The following ANK3 variants were observed in gnomAD, a reference collection of about 807,000 sequenced individuals.
ANK3 encodes ankyrin-3.
Under a neutral mutation model 370.9 loss-of-function variants are expected in ANK3, and 57 were observed. That is an observed-to-expected ratio of 0.15 (90% confidence interval 0.12 to 0.19). The LOEUF (loss-of-function observed/expected upper bound fraction) is 0.19, where lower values mean the gene tolerates loss of function less well. Among genes scored for constraint, ANK3 ranks in the 10% least tolerant of loss-of-function variants. ANK3 has a pLI of 1.00. For missense variants in ANK3, 4,439 were observed against 5,302.1 expected (o/e 0.84, Z 5.06); for synonymous variants, 1,929 against 1,946.3 (o/e 0.99, Z 0.23).
chr10:60,684,892 C>T, intron 1 of ANK3: 2 of 1,489,696 alleles, frequency 1.3e-6, no homozygotes, highest in Non-Finnish European at 9.3e-7. Flanking sequence ...AGTCCCTGTA[C>T]TTACAGTTGC....
At chr10:60,474,944 T>A (rs1038427259) in intron 2 of ANK3, among the ~76,000 whole-genome samples, 1 of 152,146 alleles carries the variant, frequency 6.6e-6, no homozygotes. Flanking sequence ...ATTTTTATAT[T>A]TTAAAATATC....
intron 2 of ANK3, among the ~76,000 whole-genome samples, chr10:60,395,125 C>T (rs532340315): frequency 2.3e-4 from 35 of 152,202 alleles, no homozygotes; most frequent in African/African-American, 8.2e-4. Context: ...TTTGGATATG[C>T]AAATCTACTT....
intron 43 of ANK3, among the ~76,000 whole-genome samples, chr10:60,038,159 G>A (rs1168198222): frequency 6.6e-6 from 1 of 152,176 alleles, no homozygotes; most frequent in Non-Finnish European, 1.5e-5. Flanking sequence ...CACTTTGGGA[G>A]GCCAAGGTGA....
At chr10:60,193,843 G>A (rs2096539164) in intron 16 of ANK3, among the ~76,000 whole-genome samples, 1 of 152,004 alleles carries the variant, frequency 6.6e-6, no homozygotes, top group East Asian at 1.9e-4. Flanking sequence ...AGTAGGGGCT[G>A]GGCAAGGTAG....
rs527329201 is a variant in ANK3, at chr10:60,480,085, A to G, written c.96+135101T>C. Among the ~76,000 whole-genome samples, 15 of 152,288 alleles carry G rather than the reference A, an allele frequency of 9.8e-5. No individual in the cohort carries two copies. In the East Asian group the frequency reaches 2.3e-3, roughly 24 times the overall value. ...GGCCACTTATGACCCCTGACACAGC[A>G]GTGTTGATTAGATGAGTAGTGGTAG... On this transcript the variant is annotated intron_variant, in intron 2 of 43. Transcript: ENST00000373827.
At chr10:60,415,915 T>TCC (rs2063652402) in intron 2 of ANK3, among the ~76,000 whole-genome samples, 2 of 94,730 alleles carry the variant, frequency 2.1e-5, no homozygotes, top group Non-Finnish European at 4.5e-5. Flanking sequence ...TCTGAATTTG[T>TCC]GCCCCCCACC....
intron 1 of ANK3, among the ~76,000 whole-genome samples, chr10:60,681,292 C>T (rs1278368185): frequency 1.3e-5 from 2 of 152,142 alleles, no homozygotes; most frequent in Admixed American, 1.3e-4. Flanking sequence ...TCAGTGGTTT[C>T]CCACTGCCCT....
intron 1 of ANK3, among the ~76,000 whole-genome samples, chr10:60,665,403 T>C (rs1244626206): frequency 1.3e-5 from 2 of 152,152 alleles, no homozygotes; most frequent in Non-Finnish European, 2.9e-5. Context: ...AAAATCTAAA[T>C]GTGCTGGTTC....
intron 2 of ANK3, among the ~76,000 whole-genome samples, chr10:60,570,530 C>T (rs2077567526): frequency 6.6e-6 from 1 of 152,060 alleles, no homozygotes; most frequent in Non-Finnish European, 1.5e-5. Context: ...GGTAAAAACC[C>T]TGGTCTGGAT....
At chr10:60,033,535 A>AC in intron 43 of ANK3, among the ~76,000 whole-genome samples, 15 of 149,044 alleles carry the variant, frequency 1.0e-4, no homozygotes, top group Middle Eastern at 3.4e-3. Context: ...AAAAAAAAAA[A>AC]AAAACTTGGA....
At chr10:60,475,837 A>G (rs2075049448) in intron 2 of ANK3, among the ~76,000 whole-genome samples, 1 of 152,122 alleles carries the variant, frequency 6.6e-6, no homozygotes, top group African/African-American at 2.4e-5. Context: ...CTTTCGAAAA[A>G]ATCTGGTTCT....
At chr10:60,285,094 G>T (rs1269465775) in intron 1 of ANK3, among the ~76,000 whole-genome samples, 2 of 152,028 alleles carry the variant, frequency 1.3e-5, no homozygotes, top group Non-Finnish European at 2.9e-5. Flanking sequence ...CAAAGCACTG[G>T]AATCACACAG....
chr10:60,524,618 G>T (rs2076425709), intron 2 of ANK3, among the ~76,000 whole-genome samples: 1 of 152,082 alleles, frequency 6.6e-6, no homozygotes, highest in Admixed American at 6.6e-5. Context: ...CAGCCATGTG[G>T]AACTGTAAGT....
chr10:60,672,855 C>A (rs2079079307), intron 1 of ANK3, among the ~76,000 whole-genome samples: 1 of 152,188 alleles, frequency 6.6e-6, no homozygotes, highest in Non-Finnish European at 1.5e-5. Context: ...TCGAGGCAAG[C>A]AGTGTCAGAA....
intron 1 of ANK3, among the ~76,000 whole-genome samples, chr10:60,649,220 G>A (rs925548669): frequency 6.6e-6 from 1 of 151,788 alleles, no homozygotes; most frequent in Non-Finnish European, 1.5e-5. Context: ...ACTCCACGGG[G>A]AGGAAAAGCA....
intron 25 of ANK3, among the ~76,000 whole-genome samples, chr10:60,129,549 C>T (rs1476472885): frequency 3.9e-5 from 6 of 152,168 alleles, no homozygotes; most frequent in Admixed American, 6.5e-5. Flanking sequence ...GTCAGGAGTT[C>T]GAGACAAGCC....
chr10:60,572,938 C>G (rs970294462), intron 2 of ANK3: 4 of 995,812 alleles, frequency 4.0e-6, no homozygotes, highest in South Asian at 9.0e-5. Context: ...CTCACACACA[C>G]AGAAATAAGC....
chr10:60,059,916 T>G (rs149023909), intron 40 of ANK3: 39 of 1,614,008 alleles, frequency 2.4e-5, no homozygotes, highest in Non-Finnish European at 3.1e-5. Flanking sequence ...GCTAGAGATA[T>G]CACTAAAATA....
At chr10:60,032,538 T>C (rs4086471) in intron 43 of ANK3, among the ~76,000 whole-genome samples, 14,346 of 152,126 alleles carry the variant, frequency 0.094, 1,802 homozygotes, top group East Asian at 0.59. Flanking sequence ...TTTATGTAGA[T>C]GTGTGATCAT....
Sources: allele counts gnomAD v4.1 joint callset (sites outside exome capture counted in the v4.1 genomes callset), GRCh38; gene constraint gnomAD v4.1.1; transcripts MANE v1.5; gene names NCBI Gene and HGNC (gene_info 2026-07-23, HGNC 2026-07-21).